Variants in SH3KBP1 observed in about 807,000 individuals in gnomAD.
SH3KBP1 encodes SH3 domain-containing kinase-binding protein 1.
Under a neutral mutation model 50.1 loss-of-function variants are expected in SH3KBP1, and 8 were observed. The observed-to-expected ratio is 0.16, with a 90% CI of 0.09 to 0.29. The LOEUF is 0.29. Among genes scored for constraint, SH3KBP1 ranks in the 10% least tolerant of loss-of-function variants. The pLI is 1.00. For missense variants in SH3KBP1, 377 were observed against 535.2 expected, an observed-to-expected ratio of 0.70 and a Z score of 2.92; for synonymous variants, 227 against 218.6, an observed-to-expected ratio of 1.04 and a Z score of -0.34.
intron 3 of SH3KBP1, among the ~76,000 whole-genome samples, chrX:19,730,894 A>T (rs1472400255): frequency 8.9e-6 from 1 of 112,046 alleles, no homozygotes; most frequent in African/African-American, 3.2e-5. Context: ...ATAGAAAATA[A>T]ACTGAACTCT....
chrX:19,790,980 T>C (rs761483965), intron 2 of SH3KBP1, among the ~76,000 whole-genome samples: 1 of 111,077 alleles, frequency 9.0e-6, no homozygotes, highest in African/African-American at 3.3e-5. Context: ...ATTCTAACTC[T>C]GTGGTTGAAA....
chrX:19,800,487 T>C (rs1276839196), intron 2 of SH3KBP1, among the ~76,000 whole-genome samples: 1 of 112,099 alleles, frequency 8.9e-6, no homozygotes, highest in Non-Finnish European at 1.9e-5. Flanking sequence ...AATAACTAGA[T>C]AGGAATGATT....
chrX:19,856,342 A>G (rs2068641845), intron 1 of SH3KBP1, among the ~76,000 whole-genome samples: 1 of 111,953 alleles, frequency 8.9e-6, no homozygotes, highest in East Asian at 2.8e-4. Context: ...CCCTCCCCCA[A>G]AAAGCCCTGC....
Position 19,536,131 on chromosome X carries a change from T to C in SH3KBP1, c.*286A>G, listed in dbSNP as rs999545557. The C allele has an allele frequency of 9.0e-6, 2 of 221,663 alleles. No homozygotes were observed. The highest frequency in any genetic ancestry group is 1.6e-5 in the Non-Finnish European group (2 of 122,085). 18.3% of individuals were successfully genotyped at this position (221,663 alleles called of 1,213,427 possible). On this transcript the variant is annotated 3_prime_UTR_variant, in exon 18 of 18. Transcript: ENST00000397821. The stretch of plus-strand genomic sequence containing the variant: ...AAAATAGTACCACTATGGACTAAAC[T>C]GCCTGAGTTTTCATTTCGCATTGAG...
chrX:19,568,813 T>C (rs2065922891), intron 13 of SH3KBP1, among the ~76,000 whole-genome samples: 1 of 113,138 alleles, frequency 8.8e-6, no homozygotes, highest in African/African-American at 3.2e-5. Context: ...ACTGTGAACA[T>C]AAGGGCTAAT....
chrX:19,686,311 A>G (rs1348222318), intron 5 of SH3KBP1, among the ~76,000 whole-genome samples: 3 of 111,889 alleles, frequency 2.7e-5, no homozygotes, highest in Non-Finnish European at 5.6e-5. Context: ...ATTTAGTGAT[A>G]TATCTTTTAG....
intron 7 of SH3KBP1, among the ~76,000 whole-genome samples, chrX:19,643,328 T>A (rs1401207721): frequency 5.5e-4 from 50 of 91,413 alleles, no homozygotes; most frequent in South Asian, 3.6e-3. Flanking sequence ...TTTTATTTTT[T>A]TTTTTTTTTG....
intron 2 of SH3KBP1, among the ~76,000 whole-genome samples, chrX:19,817,674 G>T (rs776188059): frequency 1.8e-5 from 2 of 111,004 alleles, no homozygotes; most frequent in South Asian, 7.6e-4. Context: ...TTGCTCTGTT[G>T]CCCAGGCTGG....
chrX:19,577,003 C>G (rs746536554), intron 12 of SH3KBP1, among the ~76,000 whole-genome samples: 3 of 112,332 alleles, frequency 2.7e-5, no homozygotes, highest in African/African-American at 9.7e-5. Flanking sequence ...CAAAACTTTC[C>G]ACGAATTTGG....
At chrX:19,636,091 AT>A (rs1199866055) in intron 7 of SH3KBP1, among the ~76,000 whole-genome samples, 2 of 110,345 alleles carry the variant, frequency 1.8e-5, no homozygotes, top group Non-Finnish European at 3.8e-5. Flanking sequence ...CTATTCATCA[AT>A]TGGATGGATT....
At chrX:19,692,689 ATTTTT>A (rs1186773036) in intron 5 of SH3KBP1, among the ~76,000 whole-genome samples, 32 of 75,086 alleles carry the variant, frequency 4.3e-4, no homozygotes, top group African/African-American at 1.8e-3. Context: ...ATATATATAT[ATTTTT>A]TTTTTTTTTT....
chrX:19,694,653 G>C (rs1489286432), intron 5 of SH3KBP1, among the ~76,000 whole-genome samples: 1 of 111,453 alleles, frequency 9.0e-6, no homozygotes, highest in African/African-American at 3.3e-5. Context: ...GACACCAAGT[G>C]AAGGAAGTCG....
intron 12 of SH3KBP1, among the ~76,000 whole-genome samples, chrX:19,575,180 G>A (rs374288756): frequency 8.9e-6 from 1 of 112,473 alleles, no homozygotes; most frequent in African/African-American, 3.2e-5. Context: ...GAAAAACAAA[G>A]GTGCAAATTG....
chrX:19,734,377 T>C lies in SH3KBP1; in HGVS notation c.286+11941A>G, dbSNP rs1159966320. On this transcript the variant is annotated intron_variant, in intron 3 of 17. Coordinates refer to ENST00000397821, the MANE Select transcript of SH3KBP1 (RefSeq NM_031892.3). ...AAATATAAAGCTTTGCTGAGAAATA[T>C]ATAATTTTAAAGACTTGAATAAATG... is the stretch of plus-strand genomic sequence containing the variant. Among the ~76,000 whole-genome samples the C allele has an allele frequency of 5.4e-5, 6 of 111,797 alleles. No homozygotes were observed. The East Asian group carries it at 1.7e-3, about 31-fold the overall frequency.
At chrX:19,605,572 C>A (rs1224190626) in intron 9 of SH3KBP1, among the ~76,000 whole-genome samples, 1 of 111,306 alleles carries the variant, frequency 9.0e-6, no homozygotes, top group Non-Finnish European at 1.9e-5. Flanking sequence ...GGGGTATGGG[C>A]AGACTGAACA....
At chrX:19,850,708 A>C (rs2068484498) in intron 1 of SH3KBP1, among the ~76,000 whole-genome samples, 1 of 111,243 alleles carries the variant, frequency 9.0e-6, no homozygotes, top group South Asian at 3.8e-4. Flanking sequence ...AACATGACAG[A>C]AATCTGGTAG....
chrX:19,879,106 G>A (rs1354667054), intron 1 of SH3KBP1, among the ~76,000 whole-genome samples: 3 of 111,993 alleles, frequency 2.7e-5, no homozygotes, highest in African/African-American at 6.5e-5. Flanking sequence ...TTAGCTGGGC[G>A]TGGTGGCACG....
intron 2 of SH3KBP1, among the ~76,000 whole-genome samples, chrX:19,750,936 G>C (rs1311510364): frequency 9.0e-6 from 1 of 111,384 alleles, no homozygotes; most frequent in African/African-American, 3.3e-5. Flanking sequence ...GCTAGCAAGG[G>C]GCAGAGCTGG....
At position 19,654,477 on chromosome X, in the gene SH3KBP1, A is replaced by C. The variant is rs138698844; in HGVS notation, c.727-9002T>G. Among the ~76,000 whole-genome samples the C allele has an allele frequency of 2.5e-4, 28 of 111,655 alleles. 1 individual carries two copies. The East Asian group carries it at 7.3e-3, about 29-fold the overall frequency. ...CCCTCTAAACGTCTGACAGTATATG[A>C]AAACACTGTTTATATTTTACCCCCA... On this transcript the variant is annotated intron_variant, in intron 6 of 17. Transcript: ENST00000397821.
Sources: gnomAD v4.1 joint callset for allele counts (sites outside exome capture counted in the v4.1 genomes callset) on GRCh38, gnomAD v4.1.1 for gene constraint, MANE v1.5 for transcripts, NCBI Gene and HGNC (gene_info 2026-07-23, HGNC 2026-07-21) for gene names.